The following CMSS1 variants were observed in gnomAD, a reference collection of about 807,000 sequenced individuals.
CMSS1 encodes cms1 ribosomal small subunit homolog.
Under a neutral mutation model 43.5 loss-of-function variants are expected in CMSS1, and 33 were observed. The ratio of observed to expected loss-of-function variants is 0.76; its 90% confidence interval spans 0.57 to 1.01. The LOEUF is 1.01. CMSS1 is among the 50% of genes least tolerant of loss of function. The pLI is 0.00. For missense variants in CMSS1, 313 were observed against 326.4 expected (o/e 0.96, Z 0.32); for synonymous variants, 115 against 117.2 (o/e 0.98, Z 0.12).
chr3:100,012,784 T>A (rs7609729), intron 1 of CMSS1, among the ~76,000 whole-genome samples: 1 of 124,588 alleles, frequency 8.0e-6, no homozygotes, highest in Non-Finnish European at 1.8e-5. Context: ...TTTTTTGGGT[T>A]GGGGGAGGGA....
chr3:100,053,063 A>G (rs1475608192), intron 1 of CMSS1, among the ~76,000 whole-genome samples: 1 of 152,114 alleles, frequency 6.6e-6, no homozygotes, highest in Non-Finnish European at 1.5e-5. Context: ...CTCCTGAAAC[A>G]AGGGTGCTCC....
chr3:100,176,619 G>A (rs931179954), intron 9 of CMSS1, among the ~76,000 whole-genome samples: 4 of 152,144 alleles, frequency 2.6e-5, no homozygotes, highest in Middle Eastern at 3.2e-3. Flanking sequence ...TGTGTTTCAT[G>A]GGAATCAGCT....
intron 1 of CMSS1, among the ~76,000 whole-genome samples, chr3:99,862,547 G>A (rs568628251): frequency 1.3e-5 from 2 of 152,268 alleles, no homozygotes; most frequent in African/African-American, 4.8e-5. Flanking sequence ...ACACTGTAGG[G>A]TGTTTAGCAG....
At chr3:100,042,444 A>G (rs2065220901) in intron 1 of CMSS1, among the ~76,000 whole-genome samples, 1 of 152,224 alleles carries the variant, frequency 6.6e-6, no homozygotes, top group Non-Finnish European at 1.5e-5. Flanking sequence ...AAAATTCTCT[A>G]AACTGTGATT....
At chr3:99,871,698 C>T (rs1944794677) in intron 1 of CMSS1, among the ~76,000 whole-genome samples, 1 of 152,106 alleles carries the variant, frequency 6.6e-6, no homozygotes, top group South Asian at 2.1e-4. Context: ...GTGCAAAATG[C>T]TTAGCTGGAA....
intron 1 of CMSS1, among the ~76,000 whole-genome samples, chr3:100,012,961 GTATT>G (rs1018199026): frequency 6.6e-6 from 1 of 151,676 alleles, no homozygotes; most frequent in Non-Finnish European, 1.5e-5. Context: ...ATGTATGTAT[GTATT>G]TATTTATTTA....
At chr3:100,068,347 CCT>C (rs1242688767) in intron 1 of CMSS1, among the ~76,000 whole-genome samples, 1 of 98,628 alleles carries the variant, frequency 1.0e-5, no homozygotes, top group Non-Finnish European at 2.2e-5. Flanking sequence ...GATGAAAGAG[CCT>C]CTGTGTGTGT....
At chr3:100,041,742 T>C (rs751131984) in intron 1 of CMSS1, among the ~76,000 whole-genome samples, 71 of 152,218 alleles carry the variant, frequency 4.7e-4, no homozygotes, top group Non-Finnish European at 1.2e-4. Flanking sequence ...TTTATGTCTA[T>C]GTAGCATGGT....
chr3:99,995,454 C>T (rs1709650666), intron 1 of CMSS1, among the ~76,000 whole-genome samples: 1 of 152,172 alleles, frequency 6.6e-6, no homozygotes, highest in Non-Finnish European at 1.5e-5. Context: ...TGCTGCTTTT[C>T]CAGGAGCATG....
At chr3:100,138,603 G>C (rs1281996471) in intron 1 of CMSS1, among the ~76,000 whole-genome samples, 1 of 152,148 alleles carries the variant, frequency 6.6e-6, no homozygotes, top group East Asian at 1.9e-4. Context: ...CAACATCACT[G>C]ATCATTAGAG....
intron 1 of CMSS1, among the ~76,000 whole-genome samples, chr3:100,033,224 G>T (rs28714363): frequency 0.19 from 28,143 of 152,120 alleles, 2,947 homozygotes; most frequent in South Asian, 0.25. Flanking sequence ...TGTAACATTT[G>T]TGGTTTATGT....
At chr3:99,896,616 G>T (rs1442729806) in intron 1 of CMSS1, among the ~76,000 whole-genome samples, 1 of 152,142 alleles carries the variant, frequency 6.6e-6, no homozygotes, top group Non-Finnish European at 1.5e-5. Context: ...ATTTTGATGG[G>T]CTAAGAACAA....
intron 1 of CMSS1, among the ~76,000 whole-genome samples, chr3:100,065,370 A>G (rs1019932558): frequency 1.3e-5 from 2 of 152,200 alleles, no homozygotes; most frequent in Admixed American, 6.5e-5. Context: ...ATCCACTCAC[A>G]GGTAAGGAAG....
intron 1 of CMSS1, among the ~76,000 whole-genome samples, chr3:99,882,436 GA>G (rs1705759919): frequency 6.6e-6 from 1 of 152,160 alleles, no homozygotes; most frequent in Non-Finnish European, 1.5e-5. Context: ...ATAATGGCTG[GA>G]AATGTATTCA....
chr3:100,099,780 A>T lies in CMSS1; in HGVS notation c.65-47193A>T, dbSNP rs142963622. 4.6e-3 allele frequency among the ~76,000 whole-genome samples: 706 copies of T among 152,288 alleles called. 2 individuals carry two copies. The highest frequency in any genetic ancestry group is 7.0e-3 in the South Asian group (34 of 4,830). The stretch of plus-strand genomic sequence containing the variant: ...TATGTTCTGTAGCAGTGGGAACCTA[A>T]CAGGCCACCAAGGAGAGCCAGACAT... On this transcript the variant is annotated intron_variant, in intron 1 of 9. Coordinates refer to ENST00000421999, the MANE Select transcript of CMSS1 (RefSeq NM_032359.4).
intron 1 of CMSS1, among the ~76,000 whole-genome samples, chr3:99,892,103 G>A (rs1214937211): frequency 1.3e-5 from 2 of 152,194 alleles, no homozygotes; most frequent in African/African-American, 4.8e-5. Flanking sequence ...CCAAACCTCT[G>A]TGAGAAATAG....
At chr3:100,084,129 T>A (rs950266134) in intron 1 of CMSS1, among the ~76,000 whole-genome samples, 1 of 152,170 alleles carries the variant, frequency 6.6e-6, no homozygotes, top group Non-Finnish European at 1.5e-5. Context: ...ATGAGACCCA[T>A]GTCATTTGCT....
At chr3:100,164,454 T>C (rs1043882215) in intron 4 of CMSS1, among the ~76,000 whole-genome samples, 1 of 152,202 alleles carries the variant, frequency 6.6e-6, no homozygotes, top group African/African-American at 2.4e-5. Context: ...ATAGTGAATT[T>C]GTTTGGTATT....
At chr3:100,098,179 C>T (rs2107451201) in intron 1 of CMSS1, among the ~76,000 whole-genome samples, 1 of 152,270 alleles carries the variant, frequency 6.6e-6, no homozygotes, top group East Asian at 1.9e-4. Context: ...CTGTGATTCC[C>T]TCACCAGTTA....
Sources: gnomAD v4.1 joint callset for allele counts (sites outside exome capture counted in the v4.1 genomes callset) on GRCh38, gnomAD v4.1.1 for gene constraint, MANE v1.5 for transcripts, NCBI Gene and HGNC (gene_info 2026-07-23, HGNC 2026-07-21) for gene names.